The following CDH12 variants were observed in gnomAD, a reference collection of about 807,000 sequenced individuals.
The protein encoded by CDH12 is cadherin 12.
Under a neutral mutation model 74.1 loss-of-function variants are expected in CDH12, and 41 were observed. That is an observed-to-expected ratio of 0.55 (90% CI 0.43 to 0.72). CDH12 has a LOEUF of 0.72. Ranked by LOEUF, CDH12 falls within the 30% of genes least tolerant of loss-of-function variation. CDH12 has a pLI of 0.00. For missense variants in CDH12, 945 were observed against 977.2 expected, an observed-to-expected ratio of 0.97 and a Z score of 0.44; for synonymous variants, 399 against 355.0, an observed-to-expected ratio of 1.12 and a Z score of -1.39.
At chr5:21,897,653 T>C (rs999353874) in intron 6 of CDH12, among the ~76,000 whole-genome samples, 1 of 152,232 alleles carries the variant, frequency 6.6e-6, no homozygotes, top group African/African-American at 2.4e-5. Context: ...TGTATACATA[T>C]GCTTGCAATA....
intron 2 of CDH12, among the ~76,000 whole-genome samples, chr5:22,456,426 C>T (rs1327883737): frequency 6.6e-6 from 1 of 151,992 alleles, no homozygotes; most frequent in Non-Finnish European, 1.5e-5. Context: ...CTGGGAACTT[C>T]ACATGCTGAT....
intron 13 of CDH12, among the ~76,000 whole-genome samples, chr5:21,757,686 C>A (rs755590506): frequency 6.6e-6 from 1 of 152,142 alleles, no homozygotes; most frequent in Non-Finnish European, 1.5e-5. Flanking sequence ...AAGTCAGTAT[C>A]ATGTGGTTCC....
intron 11 of CDH12, among the ~76,000 whole-genome samples, chr5:21,769,913 A>G (rs1745228075): frequency 6.6e-6 from 1 of 152,206 alleles, no homozygotes; most frequent in Non-Finnish European, 1.5e-5. Context: ...CTATTTATAG[A>G]TGGAAAACAT....
At chr5:22,535,790 C>T (rs773602743) in intron 1 of CDH12, among the ~76,000 whole-genome samples, 6 of 152,162 alleles carry the variant, frequency 3.9e-5, no homozygotes, top group Non-Finnish European at 8.8e-5. Flanking sequence ...AAGGTAACAA[C>T]AGTAACTATG....
At chr5:22,420,020 G>C in intron 2 of CDH12, among the ~76,000 whole-genome samples, 1 of 151,140 alleles carries the variant, frequency 6.6e-6, no homozygotes, top group Non-Finnish European at 1.5e-5. Flanking sequence ...TGTTTGTTTT[G>C]GTGTGTGTGT....
chr5:22,367,536 T>C (rs1166603441), intron 3 of CDH12, among the ~76,000 whole-genome samples: 1 of 152,222 alleles, frequency 6.6e-6, no homozygotes, highest in Non-Finnish European at 1.5e-5. Flanking sequence ...CTGAGTCTGA[T>C]GTCATGACAG....
At chr5:22,829,427 C>G (rs1422565800) in intron 1 of CDH12, among the ~76,000 whole-genome samples, 2 of 152,102 alleles carry the variant, frequency 1.3e-5, no homozygotes, top group Non-Finnish European at 1.5e-5. Flanking sequence ...ATTACCTACA[C>G]AAGATACTGA....
intron 4 of CDH12, among the ~76,000 whole-genome samples, chr5:22,107,898 G>A (rs938321702): frequency 6.6e-6 from 1 of 152,024 alleles, no homozygotes; most frequent in East Asian, 1.9e-4. Context: ...TGTGTTACAG[G>A]CATAAGATGA....
chr5:21,833,033 T>A (rs1420729845), intron 8 of CDH12, among the ~76,000 whole-genome samples: 1 of 80,688 alleles, frequency 1.2e-5, no homozygotes, highest in Non-Finnish European at 2.2e-5. Context: ...ATATATAATA[T>A]ATAATATATA....
At chr5:22,482,851 T>C (rs1161586398) in intron 2 of CDH12, among the ~76,000 whole-genome samples, 1 of 152,186 alleles carries the variant, frequency 6.6e-6, no homozygotes, top group Admixed American at 6.5e-5. Context: ...AGATGATAAA[T>C]TGATAAATGT....
intron 1 of CDH12, among the ~76,000 whole-genome samples, chr5:22,709,149 G>C (rs1227810005): frequency 1.3e-5 from 2 of 152,226 alleles, no homozygotes; most frequent in Non-Finnish European, 2.9e-5. Flanking sequence ...CGGGAAGAGA[G>C]AGAGTGGCCA....
chr5:22,785,114 C>T (rs894012952), intron 1 of CDH12, among the ~76,000 whole-genome samples: 1 of 152,068 alleles, frequency 6.6e-6, no homozygotes. Flanking sequence ...TGTACATGCA[C>T]GTGCTCACAG....
intron 6 of CDH12, among the ~76,000 whole-genome samples, chr5:21,890,711 T>G (rs1413063251): frequency 6.6e-6 from 1 of 152,120 alleles, no homozygotes; most frequent in Non-Finnish European, 1.5e-5. Context: ...CAGAGATGTA[T>G]ATAAAGGACA....
chr5:21,949,926 A>G (rs565003461), intron 6 of CDH12, among the ~76,000 whole-genome samples: 2 of 152,310 alleles, frequency 1.3e-5, no homozygotes, highest in South Asian at 2.1e-4. Context: ...TTCAGTGTTT[A>G]TAAAGTCTAC....
intron 1 of CDH12, among the ~76,000 whole-genome samples, chr5:22,715,799 TAAA>T (rs112471843): frequency 8.3e-6 from 1 of 121,014 alleles, no homozygotes; most frequent in Non-Finnish European, 1.7e-5. Context: ...AGATCCCATC[TAAA>T]AAAAAAAAAA....
chr5:22,000,814 A>C (rs1736561393), intron 5 of CDH12, among the ~76,000 whole-genome samples: 1 of 152,142 alleles, frequency 6.6e-6, no homozygotes, highest in African/African-American at 2.4e-5. Context: ...CAGCTGCAAA[A>C]GGGTACTTAT....
At chr5:22,625,746 G>A (rs759687316) in intron 1 of CDH12, among the ~76,000 whole-genome samples, 4 of 152,116 alleles carry the variant, frequency 2.6e-5, no homozygotes, top group Non-Finnish European at 5.9e-5. Context: ...GCCCAAGCAG[G>A]GTGCTTCCTG....
chr5:22,097,331 A>G (rs1181465010), intron 4 of CDH12, among the ~76,000 whole-genome samples: 1 of 152,090 alleles, frequency 6.6e-6, no homozygotes, highest in Non-Finnish European at 1.5e-5. Flanking sequence ...ACACTGCCCG[A>G]TCGCCTCAGA....
At chr5:22,116,868 T>C (rs1165792217) in intron 4 of CDH12, among the ~76,000 whole-genome samples, 1 of 42,688 alleles carries the variant, frequency 2.3e-5, no homozygotes, top group Non-Finnish European at 5.0e-5. Context: ...AAGTCTCTTT[T>C]TTTTTTTTTT....
Sources: allele counts gnomAD v4.1 joint callset (sites outside exome capture counted in the v4.1 genomes callset), GRCh38; gene constraint gnomAD v4.1.1; transcripts MANE v1.5; gene names NCBI Gene and HGNC (gene_info 2026-07-23, HGNC 2026-07-21).